The following KIF15 variants were observed in gnomAD, a reference collection of about 807,000 sequenced individuals.
The protein encoded by KIF15 is kinesin family member 15.
KIF15 carries 140 observed loss-of-function variants against 190.6 expected under a neutral mutation model. The ratio of observed to expected loss-of-function variants is 0.73; its 90% confidence interval spans 0.64 to 0.84. KIF15 has a LOEUF of 0.84. KIF15 is among the 40% of genes least tolerant of loss of function. The pLI is 0.00. For synonymous variants in KIF15, 528 were observed against 551.3 expected (o/e 0.96, Z 0.59); for missense variants, 1,372 against 1,584.4 (o/e 0.87, Z 2.28).
chr3:44,815,774 C>T (rs1220964602), intron 20 of KIF15, among the ~76,000 whole-genome samples: 1 of 152,106 alleles, frequency 6.6e-6, no homozygotes, highest in Non-Finnish European at 1.5e-5. Flanking sequence ...TTTTGTATAA[C>T]ATAACACTTT....
chr3:44,765,352 ATTG>A (rs1454471992), intron 1 of KIF15, among the ~76,000 whole-genome samples: 1 of 152,126 alleles, frequency 6.6e-6, no homozygotes, highest in Non-Finnish European at 1.5e-5. Flanking sequence ...GGGGCTTCTT[ATTG>A]TTGTTTGCTT....
At chr3:44,800,700 C>T (rs1451404402) in intron 11 of KIF15, among the ~76,000 whole-genome samples, 2 of 152,130 alleles carry the variant, frequency 1.3e-5, no homozygotes, top group African/African-American at 2.4e-5. Flanking sequence ...TCTACTTCTA[C>T]GTAGCATATG....
At chr3:44,769,378 C>A (rs1705547412) in intron 1 of KIF15, among the ~76,000 whole-genome samples, 1 of 152,070 alleles carries the variant, frequency 6.6e-6, no homozygotes. Flanking sequence ...AAGTGACGTG[C>A]CCCTTTTCAT....
chr3:44,781,204 T>TA, intron 5 of KIF15, among the ~76,000 whole-genome samples: 2 of 152,316 alleles, frequency 1.3e-5, no homozygotes, highest in South Asian at 4.1e-4. Flanking sequence ...TACACCTGTA[T>TA]AACCACTAAC....
intron 32 of KIF15, among the ~76,000 whole-genome samples, chr3:44,849,439 A>G (rs973185180): frequency 2.6e-5 from 4 of 152,184 alleles, no homozygotes; most frequent in African/African-American, 7.2e-5. Flanking sequence ...TCTGGGCAAC[A>G]TGGTGAAACC....
Position 44,794,357 on chromosome 3 carries a change from A to G in KIF15, c.780A>G (p.Leu260=). 6.2e-7 allele frequency: 1 copy of G among 1,613,752 alleles called. No homozygotes were observed. Among genetic ancestry groups the G allele is most frequent in the Non-Finnish European group, 8.5e-7 (1 of 1,179,820 alleles). ...AGATTGTGAATATACGGACCTCCCT[A>G]CTCAACCTGGTGGATTTAGCAGGAT... ...SNEIVNIRTS[L]LNLVDLAGSE... is the part of the protein sequence containing the mutation. The change falls in exon 8 of 35, where the codon CTA becomes CTG. Residue 260 remains leucine, a synonymous_variant. Coordinates refer to ENST00000326047, the MANE Select transcript of KIF15 (RefSeq NM_020242.3).
At chr3:44,781,766 T>A (rs1027115220) in intron 5 of KIF15, among the ~76,000 whole-genome samples, 1 of 152,232 alleles carries the variant, frequency 6.6e-6, no homozygotes, top group Non-Finnish European at 1.5e-5. Flanking sequence ...TGTGTATTTA[T>A]TTCTATTGAC....
At chr3:44,772,257 A>T (rs1290077858) in intron 1 of KIF15, among the ~76,000 whole-genome samples, 2 of 152,212 alleles carry the variant, frequency 1.3e-5, no homozygotes, top group African/African-American at 4.8e-5. Flanking sequence ...GGGCCTAGTA[A>T]ACAGGTATAG....
At chr3:44,865,460 G>GAGAGCCT in intron 6 of KIF15, 1 of 440,692 alleles carries the variant, frequency 2.3e-6, no homozygotes, top group Non-Finnish European at 4.2e-6. Context: ...CCTGGGGTTG[G>GAGAGCCT]TCTGCTTTGT....
intron 16 of KIF15, among the ~76,000 whole-genome samples, chr3:44,806,855 C>T (rs1707526099): frequency 6.6e-6 from 1 of 152,144 alleles, no homozygotes; most frequent in South Asian, 2.1e-4. Context: ...AAGCGATTCT[C>T]CTGCCTCAGC....
chr3:44,784,343 T>G (rs1346242042), intron 5 of KIF15, among the ~76,000 whole-genome samples: 5 of 152,058 alleles, frequency 3.3e-5, no homozygotes, highest in Non-Finnish European at 7.4e-5. Flanking sequence ...CGGCTACTTT[T>G]TTTTTTGTAT....
At chr3:44,811,497 T>C (rs1707780375) in intron 17 of KIF15, among the ~76,000 whole-genome samples, 1 of 151,842 alleles carries the variant, frequency 6.6e-6, no homozygotes, top group African/African-American at 2.4e-5. Context: ...TAGACAAAAT[T>C]AGCCGGGTGT....
intron 8 of KIF15, 113 bp from the exon 9 acceptor site, chr3:44,797,438 T>A: frequency 2.0e-6 from 2 of 998,732 alleles, no homozygotes; most frequent in Non-Finnish European, 3.0e-6. Flanking sequence ...ATTAACATTG[T>A]CCCTGACTTG....
intron 19 of KIF15, among the ~76,000 whole-genome samples, chr3:44,813,631 T>C (rs1472030918): frequency 2.3e-5 from 1 of 43,684 alleles, no homozygotes; most frequent in African/African-American, 5.7e-5. Context: ...GTTTGTTTTG[T>C]TTTTTTTTTT....
At chr3:44,777,836 C>T (rs560946737) in intron 3 of KIF15, among the ~76,000 whole-genome samples, 81 of 152,124 alleles carry the variant, frequency 5.3e-4, no homozygotes, top group African/African-American at 1.9e-3. Context: ...GATGTACAGC[C>T]GTTTATTTAT....
At chr3:44,823,888 A>T (rs932058178) in intron 20 of KIF15, among the ~76,000 whole-genome samples, 2 of 152,158 alleles carry the variant, frequency 1.3e-5, no homozygotes, top group Non-Finnish European at 2.9e-5. Context: ...ATTATGGCAG[A>T]AGTGTCCCAT....
intron 19 of KIF15, 111 bp from the exon 20 acceptor site, chr3:44,814,800 C>G: frequency 1.3e-6 from 1 of 760,940 alleles, no homozygotes; most frequent in Non-Finnish European, 2.0e-6. Context: ...TAACATTTTT[C>G]CTTAAAATAG....
At chr3:44,853,865 A>G (rs1426276097), downstream of KIF15, among the ~76,000 whole-genome samples, 1 of 152,252 alleles carries the variant, frequency 6.6e-6, no homozygotes, top group Non-Finnish European at 1.5e-5. Flanking sequence ...TCTCAAAAAA[A>G]TGCTAAGTAA....
At chr3:44,772,117 C>T (rs1421965065) in intron 1 of KIF15, among the ~76,000 whole-genome samples, 3 of 152,190 alleles carry the variant, frequency 2.0e-5, no homozygotes, top group Non-Finnish European at 2.9e-5. Flanking sequence ...ACACACAACA[C>T]ATACATAACT....
Sources: allele counts gnomAD v4.1 joint callset (sites outside exome capture counted in the v4.1 genomes callset), GRCh38; gene constraint gnomAD v4.1.1; transcripts MANE v1.5; gene names NCBI Gene and HGNC (gene_info 2026-07-23, HGNC 2026-07-21).